MBD6: variants seen among roughly 807,000 people sequenced by gnomAD.
The protein encoded by MBD6 is methyl-CpG-binding domain protein 6.
A neutral mutation model predicts 66.8 loss-of-function variants in MBD6; 22 were observed. The ratio of observed to expected loss-of-function variants is 0.33; its 90% CI spans 0.24 to 0.47. The LOEUF (loss-of-function observed/expected upper bound fraction) is 0.47, where lower values mean the gene tolerates loss of function less well. Ranked by LOEUF, MBD6 falls within the 20% of genes least tolerant of loss-of-function variation. The pLI is 1.00. For synonymous variants in MBD6, 540 were observed against 534.6 expected (o/e 1.01, Z -0.14); for missense variants, 1,322 against 1,286.9 (o/e 1.03, Z -0.42).
rs1225193900 is a variant in MBD6, at chr12:57,525,667, C to T, written c.699C>T (p.Leu233=). ...NAPSYNWGAA[L]RSSLVPSDLG... is the part of the protein sequence containing the mutation. The stretch of plus-strand genomic sequence containing the variant: ...CCTCATACAACTGGGGAGCTGCCCT[C>T]AGATCCAGCCTGGTGCCCTCTGACC... The change falls in exon 6 of 13, where the codon CTC becomes CTT. Residue 233 remains leucine (L), a synonymous_variant. Transcript: ENST00000355673. 18 of 1,613,918 alleles carry T rather than the reference C, an allele frequency of 1.1e-5. No homozygotes were observed. The highest frequency in any genetic ancestry group is 1.7e-5 in the Admixed American group (1 of 59,998).
chr12:57,522,180 G>C (rs1312799604), upstream of MBD6, among the ~76,000 whole-genome samples: 1 of 152,182 alleles, frequency 6.6e-6, no homozygotes, highest in African/African-American at 2.4e-5. Flanking sequence ...CAGGTCTTTG[G>C]TTAGGCTGCT....
chr12:57,528,270 C>G lies in MBD6; in HGVS notation c.2530C>G (p.Pro844Ala), dbSNP rs376052733. The change falls in exon 10 of 13, where the codon CCA becomes GCA. Residue 844 changes from proline (P) to alanine (A), a missense_variant. Pro to Ala is a conservative substitution (Grantham distance 27, BLOSUM62 -1). Coordinates refer to ENST00000355673, the MANE Select transcript of MBD6 (RefSeq NM_052897.4). The part of the protein sequence containing the change: ...LAPPHGSPDP[P>A]VPELLTGRGS... ...CCCACCCCATGGTTCTCCCGACCCC[C>G]CAGTCCCTGAGCTGCTCACTGGGAG... 28 of 1,605,090 alleles carry G rather than the reference C, an allele frequency of 1.7e-5. No individual in the cohort carries two copies. Among genetic ancestry groups the G allele is most frequent in the African/African-American group, 2.7e-5 (2 of 74,664 alleles).
Position 57,524,290 on chromosome 12 carries a change from G to A in MBD6, c.-14G>A, listed in dbSNP as rs779571295. The A allele has an allele frequency of 6.5e-7, 1 of 1,528,654 alleles. No homozygotes were observed. The highest frequency in any genetic ancestry group is 8.8e-7 in the Non-Finnish European group (1 of 1,135,814). 94.7% of individuals were successfully genotyped at this position (1,528,654 alleles called of 1,614,324 possible). On this transcript the variant is annotated 5_prime_UTR_variant, in exon 3 of 13. Coordinates refer to ENST00000355673, the MANE Select transcript of MBD6 (RefSeq NM_052897.4). Reference sequence around the variant, plus strand: ...TGTCTGTGTTATCAGGCACGCGGGAGCTGATTACACACAATGAATGGGGGC... The same window carrying A: ...TGTCTGTGTTATCAGGCACGCGGGAACTGATTACACACAATGAATGGGGGC...
chr12:57,525,512 G>A lies in MBD6; in HGVS notation c.544G>A (p.Gly182Arg). The A allele has an allele frequency of 1.3e-6, 2 of 1,568,016 alleles. No individual in the cohort carries two copies. The highest frequency in any genetic ancestry group is 1.7e-6 in the Non-Finnish European group (2 of 1,158,840). ...SQAFPTLAGP[G>R]GLFPPRLADP... ...GGCCTTTCCCACTCTAGCAGGCCCT[G>A]GGGGGCTTTTCCCCCCAAGGCTTGC... Residue 182 changes from glycine (G) to arginine (R), a missense_variant, in exon 6 of 13, where the codon GGG (glycine) becomes AGG (arginine). Physicochemically the swap from Gly to Arg is moderately radical, Grantham distance 125. Coordinates refer to ENST00000355673, the MANE Select transcript of MBD6 (RefSeq NM_052897.4).
rs1294221956 is a variant in MBD6, at chr12:57,529,264, G to C, written c.*30G>C. The C allele has an allele frequency of 6.2e-7, 1 of 1,612,974 alleles. No homozygotes were observed. Among genetic ancestry groups the C allele is most frequent in the Non-Finnish European group, 8.5e-7 (1 of 1,179,270 alleles). ...CATACCTGGAGCTGGATCTGACCCTGATTGGGGAGAGCTGAGTGCTGAGCC... is the reference window on the plus strand; with the variant it reads ...CATACCTGGAGCTGGATCTGACCCTCATTGGGGAGAGCTGAGTGCTGAGCC... On this transcript the variant is annotated 3_prime_UTR_variant, in exon 13 of 13. Transcript: ENST00000355673.
In MBD6 at chr12:57,524,407, T is replaced by C; in HGVS notation, c.104T>C (p.Leu35Pro). The stretch of plus-strand genomic sequence containing the variant: ...CGCTGTGTGCGAGAGGGTGCTGTGC[T>C]CTACATCAGGTACGGATCTTCACAG... ...WQRCVREGAVLYISPSGTELS... is the reference protein window; with the variant it reads ...WQRCVREGAVPYISPSGTELS... The change falls in exon 3 of 13, where the codon CTC becomes CCC. Residue 35 changes from leucine (L) to proline (P), a missense_variant. By Grantham distance (98) the Leu-to-Pro change is moderately conservative. Coordinates refer to ENST00000355673, the MANE Select transcript of MBD6 (RefSeq NM_052897.4). 1 of 1,585,386 alleles carries C rather than the reference T, an allele frequency of 6.3e-7. No individual in the cohort carries two copies. The highest frequency in any genetic ancestry group is 8.6e-7 in the Non-Finnish European group (1 of 1,166,758).
Position 57,529,150 on chromosome 12 carries a change from C to CT in MBD6, c.2938-9dup, listed in dbSNP as rs769340404. ...TTGACCACTTCTATCAACTTCCCCTCTGATATTAGGCAGCTGTCCCTCTGC... is the reference window on the plus strand; with the variant it reads ...TTGACCACTTCTATCAACTTCCCCTCTTGATATTAGGCAGCTGTCCCTCTGC... On this transcript the variant is annotated splice_polypyrimidine_tract_variant and intron_variant, in intron 12 of 12. Coordinates refer to ENST00000355673, the MANE Select transcript of MBD6 (RefSeq NM_052897.4). 29 of 1,613,994 alleles carry CT rather than the reference C, an allele frequency of 1.8e-5. No individual in the cohort carries two copies. The highest frequency in any genetic ancestry group is 2.5e-5 in the Non-Finnish European group (29 of 1,180,006).
In MBD6 at chr12:57,528,187, A is replaced by T; in HGVS notation, c.2447A>T (p.Glu816Val). The change falls in exon 10 of 13, where the codon GAG (glutamate) becomes GTG (valine). Residue 816 changes from glutamate (E) to valine (V), a missense_variant. By Grantham distance (121) the Glu-to-Val change is moderately radical. Transcript: ENST00000355673. ...EQPEAPCLPPESPASALEPEP... is the reference protein window; with the variant it reads ...EQPEAPCLPPVSPASALEPEP... ...CCAGAAGCCCCCTGTCTACCCCCCG[A>T]GAGCCCTGCCTCAGCCCTCGAACCA... 6.2e-7 allele frequency: 1 copy of T among 1,611,064 alleles called. No individual in the cohort carries two copies. The highest frequency in any genetic ancestry group is 8.5e-7 in the Non-Finnish European group (1 of 1,179,082).
chr12:57,529,335 G>A lies in MBD6; in HGVS notation c.*101G>A. The A allele has an allele frequency of 8.6e-7, 1 of 1,164,534 alleles. No individual in the cohort carries two copies. Among genetic ancestry groups the A allele is most frequent in the Non-Finnish European group, 1.3e-6 (1 of 796,148 alleles). 72.1% of individuals were successfully genotyped at this position (1,164,534 alleles called of 1,614,324 possible). On this transcript the variant is annotated 3_prime_UTR_variant, in exon 13 of 13. Coordinates refer to ENST00000355673, the MANE Select transcript of MBD6 (RefSeq NM_052897.4). The stretch of plus-strand genomic sequence containing the variant: ...CCTGCACCTGTGGACAGTGGGTGGG[G>A]GCACTACTCCCCACTCAGAGCACAA...
At position 57,526,859 on chromosome 12, in the gene MBD6, C is replaced by G. The variant is rs1226239193; in HGVS notation, c.1714C>G (p.Pro572Ala). The change falls in exon 7 of 13, where the codon CCC (proline) becomes GCC (alanine). Residue 572 changes from proline (P) to alanine (A), a missense_variant. Pro to Ala is a conservative substitution (Grantham distance 27). Transcript: ENST00000355673. ...GVLTGGGGQP[P>A]PEPLLPPPGG... ...GCTGACTGGGGGAGGAGGACAACCT[C>G]CCCCTGAGCCCCTGCTACCCCCACC... 1 of 1,613,376 alleles carries G rather than the reference C, an allele frequency of 6.2e-7. No individual in the cohort carries two copies. Among genetic ancestry groups the G allele is most frequent in the Non-Finnish European group, 8.5e-7 (1 of 1,179,736 alleles).
chr12:57,527,396 T>C (rs943453262), intron 7 of MBD6, 111 bp from the exon 8 acceptor site: 4 of 1,380,804 alleles, frequency 2.9e-6, no homozygotes, highest in Admixed American at 1.8e-5. Context: ...CTGTATTTAA[T>C]AAGCATGGCC....
In MBD6 at chr12:57,528,555, C is replaced by A; in HGVS notation, c.2815C>A (p.Leu939Ile). ...CCCTCCCGGGCCCCATTCTGAGGAC[C>A]TTAAGGTGAGTGCAGAGTGCTGGTA... is the stretch of plus-strand genomic sequence containing the variant. ...PPPPGPHSED[L>I]KVPPGVVRKS... is the part of the protein sequence containing the mutation. The change falls in exon 10 of 13, where the codon CTT becomes ATT. Residue 939 changes from leucine to isoleucine, a missense_variant. Transcript: ENST00000355673. 1 of 1,610,930 alleles carries A rather than the reference C, an allele frequency of 6.2e-7. No homozygotes were observed. The highest frequency in any genetic ancestry group is 8.5e-7 in the Non-Finnish European group (1 of 1,178,122).
At chr12:57,523,032 C>T (rs1279182916) in intron 1 of MBD6, 21 bp downstream of exon 1, 1 of 141,244 alleles carries the variant, frequency 7.1e-6, no homozygotes. Flanking sequence ...GGCCCGGCCC[C>T]CCCCACCCTG....
rs1257329333 is a variant in MBD6 at position 57,527,620 on chromosome 12, C to T, written c.2196C>T (p.Pro732=). Residue 732 remains proline, a synonymous_variant, in exon 8 of 13, where the codon CCC becomes CCT. Coordinates refer to ENST00000355673, the MANE Select transcript of MBD6 (RefSeq NM_052897.4). ...AGGCCCCCTCCAACTCAGGGAGACCCCCCCAACTCCTTAGCCCTCTGCTGG... is the reference window on the plus strand; with the variant it reads ...AGGCCCCCTCCAACTCAGGGAGACCTCCCCAACTCCTTAGCCCTCTGCTGG... ...LGKAPSNSGR[P]PQLLSPLLGA... is the part of the protein sequence containing the mutation. 4 of 1,611,384 alleles carry T rather than the reference C, an allele frequency of 2.5e-6. No homozygotes were observed. In the East Asian group the frequency reaches 6.7e-5, roughly 27 times the overall value.
intron 3 of MBD6, 87 bp from the exon 4 acceptor site, chr12:57,524,633 G>C: frequency 7.9e-7 from 1 of 1,265,946 alleles, no homozygotes; most frequent in Non-Finnish European, 1.2e-6. Flanking sequence ...CTTCTAGGAG[G>C]ATCTGTAACT....
chr12:57,525,214 G>A (rs1878786500), intron 5 of MBD6, 99 bp downstream of exon 5: 1 of 1,510,192 alleles, frequency 6.6e-7, no homozygotes, highest in Non-Finnish European at 8.9e-7. Context: ...AGAGAAAGGG[G>A]AGTGGGTGGG....
In MBD6 at chr12:57,528,330, G is replaced by A. The variant is rs567419170; in HGVS notation, c.2590G>A (p.Gly864Arg). 26 of 1,610,004 alleles carry A rather than the reference G, an allele frequency of 1.6e-5. No individual in the cohort carries two copies. The East Asian group carries it at 3.6e-4, about 22-fold the overall frequency. Residue 864 changes from glycine to arginine, a missense_variant, in exon 10 of 13, where the codon GGA becomes AGA. Transcript: ENST00000355673. The stretch of plus-strand genomic sequence containing the variant: ...GAAACGGGGCCGGAGGGGAGGAGGG[G>A]GACTTAGGGGCATTAATGGTGAGGC... ...SGKRGRRGGG[G>R]LRGINGEARP... is the part of the protein sequence containing the mutation.
rs1200923913 is a variant in MBD6 at position 57,526,802 on chromosome 12, T to C, written c.1657T>C (p.Ser553Pro). The change falls in exon 7 of 13, where the codon TCT (serine) becomes CCT (proline). Residue 553 changes from serine (S) to proline (P), a missense_variant. By Grantham distance (74) the Ser-to-Pro change is moderately conservative. Transcript: ENST00000355673. ...TCTGAGTCTGGGGCAGCCTCCACCT[T>C]CTCCATTGCTCAACCACAGTTTATT... ...LPLSLGQPPP[S>P]PLLNHSLFGV... 4 of 1,610,350 alleles carry C rather than the reference T, an allele frequency of 2.5e-6. No homozygotes were observed. The African/African-American group carries it at 4.0e-5, about 16-fold the overall frequency.
chr12:57,528,562 T>A lies in MBD6; in HGVS notation c.2820+2T>A. On this transcript the variant is annotated splice_donor_variant, in intron 10 of 12. Coordinates refer to ENST00000355673, the MANE Select transcript of MBD6 (RefSeq NM_052897.4). LOFTEE classifies it high-confidence loss of function. ...GGGCCCCATTCTGAGGACCTTAAGG[T>A]GAGTGCAGAGTGCTGGTAGTCTGGG... 1 of 1,610,362 alleles carries A rather than the reference T, an allele frequency of 6.2e-7. No homozygotes were observed. The highest frequency in any genetic ancestry group is 8.5e-7 in the Non-Finnish European group (1 of 1,177,826).
Sources: gnomAD v4.1 joint callset for allele counts (sites outside exome capture counted in the v4.1 genomes callset) on GRCh38, gnomAD v4.1.1 for gene constraint, MANE v1.5 for transcripts, NCBI Gene and HGNC (gene_info 2026-07-23, HGNC 2026-07-21) for gene names.